The following TRMT11 variants were observed in gnomAD, a reference collection of about 807,000 sequenced individuals.
The protein encoded by TRMT11 is tRNA methyltransferase 11.
In TRMT11, 53 loss-of-function variants were observed where a neutral mutation model predicts 62.8. The ratio of observed to expected loss-of-function variants is 0.84; its 90% confidence interval spans 0.68 to 1.06. The LOEUF (loss-of-function observed/expected upper bound fraction) is 1.06. Ranked by LOEUF, TRMT11 falls within the 50% of genes least tolerant of loss-of-function variation. The pLI is 0.00. For synonymous variants in TRMT11, 188 were observed against 190.3 expected (o/e 0.99, Z 0.10); for missense variants, 556 against 553.4 (o/e 1.00, Z -0.05).
chr6:126,148,959 C>A (rs553804184), intron 21 of TRMT11, among the ~76,000 whole-genome samples: 2 of 152,338 alleles, frequency 1.3e-5, no homozygotes, highest in African/African-American at 4.8e-5. Context: ...CAGACAGATG[C>A]TATAAACTAC....
chr6:126,188,842 G>A (rs1778557849), intron 1 of TRMT11, among the ~76,000 whole-genome samples: 1 of 151,958 alleles, frequency 6.6e-6, no homozygotes, highest in Admixed American at 6.6e-5. Flanking sequence ...TTCTTACCAA[G>A]GACTTTTTAT....
chr6:126,093,619 A>ATT lies in TRMT11; in HGVS notation c.*1438-19246_*1438-19245insTT, dbSNP rs1490736851. 3.4e-5 allele frequency among the ~76,000 whole-genome samples: 3 copies of ATT among 88,528 alleles called. 1 individual carries two copies. Among genetic ancestry groups the ATT allele is most frequent in the African/African-American group, 3.1e-4 (3 of 9,760 alleles). 58.1% of individuals were successfully genotyped at this position (88,528 alleles called of 152,430 possible). ...TATATATATATATATATATATATAT[A>ATT]TATATATATATATTTTCCCCCAGTC... On this transcript the variant is annotated intron_variant and NMD_transcript_variant, in intron 17 of 22. Coordinates refer to the TRMT11 transcript ENST00000648977.
At chr6:126,073,993 C>T (rs1776936646) in intron 17 of TRMT11, among the ~76,000 whole-genome samples, 1 of 152,134 alleles carries the variant, frequency 6.6e-6, no homozygotes, top group African/African-American at 2.4e-5. Context: ...AACTCACTGT[C>T]ATGAGAACAG....
the TRMT11 span, among the ~76,000 whole-genome samples, chr6:126,255,179 T>G: frequency 6.6e-6 from 1 of 152,300 alleles, no homozygotes; most frequent in South Asian, 2.1e-4. Flanking sequence ...CTGACTTTAG[T>G]TAAGAGAAAA....
intron 20 of TRMT11, among the ~76,000 whole-genome samples, chr6:126,115,633 T>G (rs75851628): frequency 0.011 from 1,675 of 152,244 alleles, 26 homozygotes; most frequent in African/African-American, 0.039. Context: ...AGAAGAAACA[T>G]TAGAACATTG....
chr6:126,239,190 G>A, the TRMT11 span, among the ~76,000 whole-genome samples: 1 of 152,162 alleles, frequency 6.6e-6, no homozygotes. Flanking sequence ...TTTAATTGGA[G>A]CATTTAGCCT....
At chr6:126,221,863 C>A in the TRMT11 span, among the ~76,000 whole-genome samples, 1 of 152,264 alleles carries the variant, frequency 6.6e-6, no homozygotes, top group Non-Finnish European at 1.5e-5. Context: ...GCTTTTGTAG[C>A]CTTCTTCATG....
In TRMT11 at chr6:126,015,160, C is replaced by T. The variant is rs184867171; in HGVS notation, c.1139+2059C>T. On this transcript the variant is annotated intron_variant, in intron 11 of 12. Coordinates refer to ENST00000334379, the MANE Select transcript of TRMT11 (RefSeq NM_001031712.3). ...ACAATACAGAAAACTCCCATCTCTACCCTTATCCAGATTTTTCCAATATTA... is the reference window on the plus strand; with the variant it reads ...ACAATACAGAAAACTCCCATCTCTATCCTTATCCAGATTTTTCCAATATTA... 1.5e-3 allele frequency among the ~76,000 whole-genome samples: 225 copies of T among 152,186 alleles called. 1 individual carries two copies. The highest frequency in any genetic ancestry group is 5.3e-3 in the African/African-American group (221 of 41,524).
intron 17 of TRMT11, among the ~76,000 whole-genome samples, chr6:126,067,363 T>A (rs1408965081): frequency 6.6e-6 from 1 of 152,250 alleles, no homozygotes; most frequent in East Asian, 1.9e-4. Flanking sequence ...GCCTTCTAAG[T>A]GTAAGCAATA....
In TRMT11 at chr6:126,052,211, G is replaced by A. The variant is rs902167070; in HGVS notation, c.*1370-912G>A. ...CGTGCTCTATTTGCCGTATAAGTTA[G>A]TGAGCTACATTGTAGAGTTAGGATG... On this transcript the variant is annotated intron_variant and NMD_transcript_variant, in intron 16 of 22. Transcript: ENST00000648977. Among the ~76,000 whole-genome samples, 22 of 152,198 alleles carry A rather than the reference G, an allele frequency of 1.4e-4. 1 individual carries two copies. The highest frequency in any genetic ancestry group is 1.2e-3 in the Admixed American group (19 of 15,280).
chr6:126,093,585 G>GTATGTATATATA (rs1554236807), intron 17 of TRMT11, among the ~76,000 whole-genome samples: 1 of 46,688 alleles, frequency 2.1e-5, no homozygotes, highest in Non-Finnish European at 3.8e-5. Flanking sequence ...GGATATGTAT[G>GTATGTATATATA]TATATATATA....
upstream of TRMT11, among the ~76,000 whole-genome samples, chr6:126,174,600 T>C (rs1778364864): frequency 1.3e-5 from 2 of 152,236 alleles, 1 homozygote; most frequent in South Asian, 4.1e-4. Context: ...TGGCAGTTAA[T>C]ATAAATGCTT....
In TRMT11 at chr6:126,124,237, CTTAG is replaced by C. The variant is rs145930191; in HGVS notation, c.*1823+8385_*1823+8388del. On this transcript the variant is annotated intron_variant and NMD_transcript_variant, in intron 21 of 22. Coordinates refer to the TRMT11 transcript ENST00000648977. Reference sequence around the variant, plus strand: ...GGGAGGAGATCCCCAAAATGTCTGTCTTAGTTCTTTTCTCTTGGGTCCGTTAGTT... The same window carrying C: ...GGGAGGAGATCCCCAAAATGTCTGTCTTCTTTTCTCTTGGGTCCGTTAGTT... Among the ~76,000 whole-genome samples the C allele has an allele frequency of 5.5e-3, 837 of 152,108 alleles. 7 individuals are homozygous for C. Among genetic ancestry groups the C allele is most frequent in the African/African-American group, 0.018 (753 of 41,520 alleles).
chr6:126,165,042 G>T (rs983867212), intron 21 of TRMT11, among the ~76,000 whole-genome samples: 10 of 152,250 alleles, frequency 6.6e-5, no homozygotes, highest in Middle Eastern at 3.4e-3. Flanking sequence ...ACTTTGGGAG[G>T]CTTAGGTGGG....
the TRMT11 span, among the ~76,000 whole-genome samples, chr6:126,218,455 T>C: frequency 6.6e-6 from 1 of 152,342 alleles, no homozygotes; most frequent in African/African-American, 2.4e-5. Context: ...CTGTCAGGAC[T>C]GGGTCCTTCC....
chr6:126,072,070 T>C (rs1776875226), intron 17 of TRMT11, among the ~76,000 whole-genome samples: 1 of 152,180 alleles, frequency 6.6e-6, no homozygotes, highest in Non-Finnish European at 1.5e-5. Flanking sequence ...TCTCCTTGAA[T>C]CACTTGCACC....
In TRMT11 at chr6:126,076,857, T is replaced by C. The variant is rs939305153; in HGVS notation, c.*1437+23667T>C. On this transcript the variant is annotated intron_variant and NMD_transcript_variant, in intron 17 of 22. Coordinates refer to the TRMT11 transcript ENST00000648977. ...GATTTAATTTTGGCAGCTAATCATTTCCACCTGTGAGGAATCAAATAGAAA... is the reference window on the plus strand; with the variant it reads ...GATTTAATTTTGGCAGCTAATCATTCCCACCTGTGAGGAATCAAATAGAAA... 2.0e-5 allele frequency among the ~76,000 whole-genome samples: 3 copies of C among 152,188 alleles called. No homozygotes were observed. In the East Asian group the frequency reaches 5.8e-4, roughly 29 times the overall value.
At chr6:126,142,040 A>T (rs1356831591) in intron 21 of TRMT11, among the ~76,000 whole-genome samples, 2 of 151,968 alleles carry the variant, frequency 1.3e-5, no homozygotes, top group African/African-American at 4.8e-5. Flanking sequence ...TCCTTTTTAT[A>T]CTTCCTTGCA....
At chr6:126,162,621 G>C (rs1424950250) in intron 21 of TRMT11, among the ~76,000 whole-genome samples, 1 of 152,162 alleles carries the variant, frequency 6.6e-6, no homozygotes, top group Non-Finnish European at 1.5e-5. Flanking sequence ...AGCTTGATGG[G>C]ACTAGCATTG....
Sources: allele counts gnomAD v4.1 joint callset (sites outside exome capture counted in the v4.1 genomes callset), GRCh38; gene constraint gnomAD v4.1.1; transcripts MANE v1.5; gene names NCBI Gene and HGNC (gene_info 2026-07-23, HGNC 2026-07-21).